Variants in RB1 observed in about 807,000 individuals in gnomAD.
The protein encoded by RB1 is RB transcriptional corepressor 1.
A neutral mutation model predicts 135.4 loss-of-function variants in RB1; 18 were observed. The observed-to-expected ratio is 0.13, with a 90% CI of 0.09 to 0.20. The LOEUF is 0.20. Among genes scored for constraint, RB1 ranks in the 10% least tolerant of loss-of-function variants. RB1 has a pLI of 1.00. For synonymous variants in RB1, 365 were observed against 373.2 expected, an observed-to-expected ratio of 0.98 and a Z score of 0.25; for missense variants, 868 against 1,110.0, an observed-to-expected ratio of 0.78 and a Z score of 3.10.
chr13:48,347,940 T>A (rs2138092000), intron 5 of RB1, 77 bp downstream of exon 5: 1 of 1,150,312 alleles, frequency 8.7e-7, no homozygotes, highest in African/African-American at 1.5e-5. Context: ...TCTTGATAGT[T>A]AGGGTTAGTT....
intron 23 of RB1, among the ~76,000 whole-genome samples, chr13:48,466,515 A>T (rs1457726798): frequency 2.0e-5 from 3 of 151,976 alleles, no homozygotes; most frequent in Admixed American, 2.0e-4. Context: ...CCTCCTCCAA[A>T]GGAACACAGT....
intron 2 of RB1, chr13:48,318,136 T>C (rs982581395): frequency 1.6e-5 from 8 of 513,116 alleles, no homozygotes; most frequent in Non-Finnish European, 2.5e-5. Context: ...TCCTGGCTCC[T>C]GACGCCCTCC....
At chr13:48,345,623 C>G (rs2138088516) in intron 4 of RB1, among the ~76,000 whole-genome samples, 1 of 152,228 alleles carries the variant, frequency 6.6e-6, no homozygotes, top group East Asian at 1.9e-4. Context: ...CCAATGGTGG[C>G]TTAGAGGACT....
intron 17 of RB1, among the ~76,000 whole-genome samples, chr13:48,387,057 A>G (rs1367714657): frequency 6.6e-6 from 1 of 152,222 alleles, no homozygotes; most frequent in Admixed American, 6.5e-5. Context: ...TGAAAAGGTT[A>G]TTAAAGTACT....
At position 48,480,899 on chromosome 13, in the gene RB1, A is replaced by G. The variant is rs750952060; in HGVS notation, c.*828A>G. 4.4e-5 allele frequency: 10 copies of G among 228,520 alleles called. No homozygotes were observed. Among genetic ancestry groups the G allele is most frequent in the Non-Finnish European group, 7.8e-5 (9 of 114,932 alleles). 14.2% of individuals were successfully genotyped at this position (228,520 alleles called of 1,614,324 possible). On this transcript the variant is annotated 3_prime_UTR_variant, in exon 27 of 27. Coordinates refer to ENST00000267163, the MANE Select transcript of RB1 (RefSeq NM_000321.3). ...GTACCCATCTAGTACTTGAAAAAGTAAAGTGTTCTGCCAGATCTTAGGTAT... is the reference window on the plus strand; with the variant it reads ...GTACCCATCTAGTACTTGAAAAAGTGAAGTGTTCTGCCAGATCTTAGGTAT...
At chr13:48,449,309 A>G (rs562346069) in intron 17 of RB1, among the ~76,000 whole-genome samples, 1 of 152,308 alleles carries the variant, frequency 6.6e-6, no homozygotes, top group East Asian at 1.9e-4. Flanking sequence ...ACTTCATTGT[A>G]TAGTTATTTG....
chr13:48,424,590 C>T (rs1400606950), intron 17 of RB1, among the ~76,000 whole-genome samples: 4 of 82,692 alleles, frequency 4.8e-5, no homozygotes, highest in Non-Finnish European at 6.9e-5. Context: ...TTGAGTTGTC[C>T]CTTCTTCCTT....
intron 17 of RB1, among the ~76,000 whole-genome samples, chr13:48,384,771 T>C (rs939175581): frequency 9.2e-5 from 14 of 152,316 alleles, no homozygotes; most frequent in Admixed American, 8.5e-4. Flanking sequence ...TCAGCATTTT[T>C]GCTTGACAGC....
intron 17 of RB1, chr13:48,412,326 A>G: frequency 6.2e-7 from 1 of 1,613,274 alleles, no homozygotes; most frequent in African/African-American, 1.3e-5. Flanking sequence ...ACAATTGGAT[A>G]TTAACCCAAG....
chr13:48,359,018 C>CA (rs1327720393), intron 6 of RB1, among the ~76,000 whole-genome samples: 6 of 152,096 alleles, frequency 3.9e-5, no homozygotes, highest in African/African-American at 7.2e-5. Context: ...TGTTTTCTCA[C>CA]AAAGTTTCTG....
rs2138093547 is a variant in RB1, at chr13:48,348,981, T to C, written c.565T>C (p.Leu189=). The change falls in exon 6 of 27, where the codon TTG becomes CTG. Residue 189 remains leucine, a synonymous_variant. Transcript: ENST00000267163. Reference sequence around the variant, plus strand: ...GATATCTACTGAAATAAATTCTGCATTGGTGCTAAAAGTTTCTTGGATCAC... The same window carrying C: ...GATATCTACTGAAATAAATTCTGCACTGGTGCTAAAAGTTTCTTGGATCAC... ...SSISTEINSA[L]VLKVSWITFL... is the part of the protein sequence containing the mutation. 1.9e-6 allele frequency: 3 copies of C among 1,603,090 alleles called. No individual in the cohort carries two copies. Among genetic ancestry groups the C allele is most frequent in the Non-Finnish European group, 1.7e-6 (2 of 1,173,582 alleles).
chr13:48,318,072 C>T, intron 2 of RB1: 2 of 534,766 alleles, frequency 3.7e-6, no homozygotes, highest in Admixed American at 2.6e-5. Flanking sequence ...AAATGGATTC[C>T]CTTCAGAGGC....
chr13:48,452,920 A>G (rs1381063874), intron 17 of RB1, 73 bp from the exon 18 acceptor site: 24 of 1,594,062 alleles, frequency 1.5e-5, no homozygotes, highest in Admixed American at 1.7e-5. Context: ...CATGTCAAAC[A>G]ATATGATTTT....
chr13:48,391,248 TCCAA>T (rs1490800110), intron 17 of RB1, among the ~76,000 whole-genome samples: 1 of 152,234 alleles, frequency 6.6e-6, no homozygotes, highest in Non-Finnish European at 1.5e-5. Flanking sequence ...TTTTCCCTTT[TCCAA>T]CCTTTGGGCT....
intron 17 of RB1, among the ~76,000 whole-genome samples, chr13:48,433,971 G>A (rs1381625316): frequency 6.6e-6 from 1 of 151,586 alleles, no homozygotes; most frequent in African/African-American, 2.4e-5. Flanking sequence ...TTATTCTCCT[G>A]CCTTAGCCTC....
At chr13:48,415,308 C>G (rs1410087075) in intron 17 of RB1, among the ~76,000 whole-genome samples, 1 of 137,024 alleles carries the variant, frequency 7.3e-6, no homozygotes, top group East Asian at 2.1e-4. Flanking sequence ...TTTTTTTTTT[C>G]TCACTCTGCC....
At chr13:48,403,549 C>A (rs989338686) in intron 17 of RB1, among the ~76,000 whole-genome samples, 4 of 152,102 alleles carry the variant, frequency 2.6e-5, no homozygotes, top group African/African-American at 7.2e-5. Context: ...CTTAGAGAGC[C>A]CCCAAGCTCA....
At chr13:48,375,012 G>C (rs1952806006) in intron 12 of RB1, among the ~76,000 whole-genome samples, 1 of 152,040 alleles carries the variant, frequency 6.6e-6, no homozygotes, top group Non-Finnish European at 1.5e-5. Flanking sequence ...ATGACCTCCA[G>C]CTACATCCAT....
intron 17 of RB1, chr13:48,411,103 C>T (rs1948791236): frequency 9.1e-6 from 2 of 220,348 alleles, no homozygotes; most frequent in East Asian, 9.5e-5. Context: ...AGATTGGCAC[C>T]ACATAATTTA....
Sources: gnomAD v4.1 joint callset for allele counts (sites outside exome capture counted in the v4.1 genomes callset) on GRCh38, gnomAD v4.1.1 for gene constraint, MANE v1.5 for transcripts, NCBI Gene and HGNC (gene_info 2026-07-23, HGNC 2026-07-21) for gene names.